ANXA5: variants seen among roughly 807,000 people sequenced by gnomAD.
ANXA5 encodes CBP-I.
Under a neutral mutation model 48.1 loss-of-function variants are expected in ANXA5, and 40 were observed. That is an observed-to-expected ratio of 0.83 (90% CI 0.65 to 1.08). The LOEUF (loss-of-function observed/expected upper bound fraction) is 1.08. ANXA5 is among the 50% of genes least tolerant of loss of function. The pLI is 0.00. For synonymous variants in ANXA5, 113 were observed against 129.1 expected (o/e 0.88, Z 0.85); for missense variants, 357 against 376.8 (o/e 0.95, Z 0.44).
intron 8 of ANXA5, among the ~76,000 whole-genome samples, 189 bp downstream of exon 8, chr4:121,677,705 G>A (rs1351104415): frequency 6.6e-6 from 1 of 151,948 alleles, no homozygotes; most frequent in Non-Finnish European, 1.5e-5. Context: ...TCAGCTTTAA[G>A]GTAAAATATT....
intron 11 of ANXA5, 36 bp from the exon 12 acceptor site, chr4:121,669,760 T>C: frequency 6.3e-7 from 1 of 1,577,462 alleles, no homozygotes; most frequent in Non-Finnish European, 8.6e-7. Context: ...AGCAAAATGC[T>C]TAAAAACTTC....
chr4:121,686,240 G>A, intron 3 of ANXA5, 48 bp downstream of exon 3: 1 of 1,399,480 alleles, frequency 7.1e-7, no homozygotes, highest in Non-Finnish European at 1.0e-6. Context: ...TGACTTGTTT[G>A]GAAAAACAAA....
At chr4:121,696,800 A>T in intron 1 of ANXA5, 63 bp downstream of exon 1, 1 of 391,874 alleles carries the variant, frequency 2.6e-6, no homozygotes. Context: ...GCGCGAATCC[A>T]GTGCCCCGCG....
chr4:121,671,559 G>C lies in ANXA5; in HGVS notation c.709C>G (p.Leu237Val). 1.2e-6 allele frequency: 2 copies of C among 1,610,782 alleles called. No individual in the cohort carries two copies. The highest frequency in any genetic ancestry group is 1.7e-6 in the Non-Finnish European group (2 of 1,177,102). The change falls in exon 10 of 13, where the codon CTC becomes GTC. Residue 237 changes from leucine to valine, a missense_variant. Physicochemically the swap from Leu to Val is conservative, Grantham distance 32. Coordinates refer to ENST00000296511, the MANE Select transcript of ANXA5 (RefSeq NM_001154.4). ...RETSGNLEQL[L>V]LAVVKSIRSI... The stretch of plus-strand genomic sequence containing the variant: ...GTAAATCACCTACCAACAGCAAGGA[G>C]TAGTTGCTCTAAATTGCCAGAAGTC...
At chr4:121,696,653 G>C in intron 1 of ANXA5, 29 bp from the exon 2 acceptor site, 1 of 1,323,334 alleles carries the variant, frequency 7.6e-7, no homozygotes. Context: ...CTCGGGCTTA[G>C]CGCGCCATTT....
At chr4:121,684,125 A>G (rs1433977369) in intron 4 of ANXA5, among the ~76,000 whole-genome samples, 2 of 152,180 alleles carry the variant, frequency 1.3e-5, no homozygotes, top group Admixed American at 6.5e-5. Flanking sequence ...GTTAAGTGAC[A>G]TACGTTTTCA....
intron 8 of ANXA5, among the ~76,000 whole-genome samples, chr4:121,674,166 G>GA (rs1724657441): frequency 7.6e-6 from 1 of 130,900 alleles, no homozygotes. Flanking sequence ...GGGCACGAAG[G>GA]AAAGGAAAGG....
rs768139623 is a variant in ANXA5 at position 121,668,466 on chromosome 4, C to T, written c.*2G>A. ...CAGCAGGGAGCTCTTCCCCGTGACA[C>T]GTTAGTCATCTTCTCCACAGAGCAG... On this transcript the variant is annotated 3_prime_UTR_variant, in exon 13 of 13. Transcript: ENST00000296511. 7.4e-6 allele frequency: 12 copies of T among 1,613,218 alleles called. No homozygotes were observed. Among genetic ancestry groups the T allele is most frequent in the African/African-American group, 2.7e-5 (2 of 74,844 alleles).
chr4:121,691,218 C>CT (rs1034813587), intron 2 of ANXA5, among the ~76,000 whole-genome samples: 14 of 152,212 alleles, frequency 9.2e-5, no homozygotes, highest in African/African-American at 3.4e-4. Flanking sequence ...ACAATTCACT[C>CT]TTTTAATTCT....
intron 6 of ANXA5, among the ~76,000 whole-genome samples, chr4:121,680,685 A>C (rs1724776645): frequency 6.6e-6 from 1 of 152,174 alleles, no homozygotes; most frequent in African/African-American, 2.4e-5. Context: ...TTTGTAATCC[A>C]GTAGCACAAA....
At chr4:121,691,662 A>C (rs941321282) in intron 2 of ANXA5, among the ~76,000 whole-genome samples, 33 of 152,254 alleles carry the variant, frequency 2.2e-4, no homozygotes, top group African/African-American at 7.5e-4. Context: ...CTTCTGAGGC[A>C]GGTTTCCAAA....
At chr4:121,696,738 G>C (rs920490152) in intron 1 of ANXA5, 114 bp from the exon 2 acceptor site, 2 of 580,348 alleles carry the variant, frequency 3.4e-6, no homozygotes, top group African/African-American at 2.0e-5. Flanking sequence ...GCCCCGCCAC[G>C]GGGCCGACCC....
At chr4:121,668,577 A>G in intron 12 of ANXA5, 50 bp from the exon 13 acceptor site, 1 of 1,552,960 alleles carries the variant, frequency 6.4e-7, no homozygotes, top group South Asian at 1.1e-5. Flanking sequence ...GAAGCCATAG[A>G]AAATTTTAAA....
chr4:121,684,948 G>A (rs1047185594), intron 3 of ANXA5, among the ~76,000 whole-genome samples, 177 bp from the exon 4 acceptor site: 1 of 151,200 alleles, frequency 6.6e-6, no homozygotes, highest in Non-Finnish European at 1.5e-5. Flanking sequence ...GGGAGGCCAA[G>A]ATGGGAGGAT....
chr4:121,679,452 A>G (rs1202270102), intron 6 of ANXA5, among the ~76,000 whole-genome samples: 1 of 152,050 alleles, frequency 6.6e-6, no homozygotes, highest in East Asian at 1.9e-4. Flanking sequence ...TTCCTCCCTC[A>G]ATTGTTCCTT....
At chr4:121,680,273 TTGTGTG>T (rs1048653250) in intron 6 of ANXA5, among the ~76,000 whole-genome samples, 1 of 151,342 alleles carries the variant, frequency 6.6e-6, no homozygotes. Context: ...GTGTCTGTGT[TTGTGTG>T]TGTGTGTGTA....
At chr4:121,669,326 C>A in intron 12 of ANXA5, 1 of 318,854 alleles carries the variant, frequency 3.1e-6, no homozygotes, top group Non-Finnish European at 5.7e-6. Context: ...TTATCATAGG[C>A]AAGGGGTTTG....
At chr4:121,676,681 G>T (rs75451648) in intron 8 of ANXA5, among the ~76,000 whole-genome samples, 24,596 of 103,876 alleles carry the variant, frequency 0.24, 2,224 homozygotes, top group Non-Finnish European at 0.32. Context: ...GCCTGGGGGC[G>T]GGGGGGGGTA....
At chr4:121,682,697 C>A (rs985940317) in intron 5 of ANXA5, among the ~76,000 whole-genome samples, 16 of 152,070 alleles carry the variant, frequency 1.1e-4, no homozygotes, top group African/African-American at 3.4e-4. Flanking sequence ...AGTAAGAATC[C>A]CTGAGAAACA....
Sources: allele counts gnomAD v4.1 joint callset (sites outside exome capture counted in the v4.1 genomes callset), GRCh38; gene constraint gnomAD v4.1.1; transcripts MANE v1.5; gene names NCBI Gene and HGNC (gene_info 2026-07-23, HGNC 2026-07-21).